Variants in PPARG observed in about 807,000 individuals in gnomAD.
The protein encoded by PPARG is peroxisome proliferator-activated receptor gamma.
In PPARG, 17 loss-of-function variants were observed where a neutral mutation model predicts 39.2. The observed-to-expected ratio is 0.43, with a 90% CI of 0.30 to 0.65. The LOEUF is 0.65. Ranked by LOEUF, PPARG falls within the 30% of genes least tolerant of loss-of-function variation. The pLI, the probability that PPARG is intolerant of heterozygous loss-of-function variation, is 0.13. For synonymous variants in PPARG, 223 were observed against 215.7 expected (o/e 1.03, Z -0.30); for missense variants, 406 against 585.9 (o/e 0.69, Z 3.17).
intron 1 of PPARG, among the ~76,000 whole-genome samples, chr3:12,309,563 A>G (rs905148366): frequency 3.3e-5 from 5 of 152,226 alleles, no homozygotes; most frequent in African/African-American, 7.2e-5. Flanking sequence ...TTATGTCACT[A>G]TATTTTTTCC....
intron 2 of PPARG, among the ~76,000 whole-genome samples, chr3:12,316,673 G>T (rs1395745681): frequency 2.0e-5 from 3 of 150,900 alleles, no homozygotes; most frequent in Non-Finnish European, 2.9e-5. Flanking sequence ...CAGGGTGTCT[G>T]GCTCTAAGGG....
intron 7 of PPARG, among the ~76,000 whole-genome samples, chr3:12,421,798 T>A (rs2051271662): frequency 6.6e-6 from 1 of 152,150 alleles, no homozygotes; most frequent in African/African-American, 2.4e-5. Flanking sequence ...CCCTCCTGAG[T>A]CTGGCTTGGT....
At chr3:12,372,140 C>G (rs1246402488) in intron 2 of PPARG, 6 of 718,832 alleles carry the variant, frequency 8.3e-6, no homozygotes, top group Non-Finnish European at 1.6e-5. Context: ...TAGCTGAACA[C>G]ATTTCTCCAA....
At chr3:12,341,561 A>C (rs2048184279) in intron 2 of PPARG, among the ~76,000 whole-genome samples, 1 of 152,222 alleles carries the variant, frequency 6.6e-6, no homozygotes, top group Non-Finnish European at 1.5e-5. Context: ...TAATCCCAGA[A>C]CTTTGGGAGG....
chr3:12,356,957 C>A (rs1352032804), intron 2 of PPARG, among the ~76,000 whole-genome samples: 1 of 152,178 alleles, frequency 6.6e-6, no homozygotes, highest in Non-Finnish European at 1.5e-5. Flanking sequence ...GAAGCATTCT[C>A]TGAATTCATT....
intron 2 of PPARG, among the ~76,000 whole-genome samples, chr3:12,356,903 C>T (rs1648661675): frequency 6.6e-6 from 1 of 152,114 alleles, no homozygotes; most frequent in South Asian, 2.1e-4. Flanking sequence ...CTTTTCAAAT[C>T]GTCCCTGTCC....
At chr3:12,292,164 C>T (rs141060339) in intron 1 of PPARG, among the ~76,000 whole-genome samples, 8 of 152,254 alleles carry the variant, frequency 5.3e-5, no homozygotes, top group Non-Finnish European at 1.0e-4. Flanking sequence ...TATTATCATT[C>T]AATTTAAAAT....
rs749089217 is a variant in PPARG at position 12,379,742 on chromosome 3, A to G, written c.31A>G (p.Thr11Ala). Residue 11 changes from threonine (T) to alanine (A), a missense_variant, in exon 3 of 8, where the codon ACC becomes GCC. Coordinates refer to ENST00000651735, the MANE Select transcript of PPARG (RefSeq NM_138711.6). MVDTEMPFWP[T>A]NFGISSVDLS... ...TGACACAGAGATGCCATTCTGGCCC[A>G]CCAACTTTGGGATCAGCTCCGTGGA... is the stretch of plus-strand genomic sequence containing the variant. The G allele has an allele frequency of 1.2e-6, 2 of 1,613,976 alleles. No homozygotes were observed. Among genetic ancestry groups the G allele is most frequent in the Non-Finnish European group, 1.7e-6 (2 of 1,179,922 alleles).
chr3:12,400,643 C>T (rs1458637974), intron 5 of PPARG, among the ~76,000 whole-genome samples: 1 of 152,192 alleles, frequency 6.6e-6, no homozygotes, highest in Non-Finnish European at 1.5e-5. Context: ...GGAAGTTGCT[C>T]TGTGTGACAG....
chr3:12,389,855 C>G lies in PPARG; in HGVS notation c.391-2759C>G, dbSNP rs191072355. Among the ~76,000 whole-genome samples the G allele has an allele frequency of 2.4e-3, 369 of 152,250 alleles. 2 individuals carry two copies. The highest frequency in any genetic ancestry group is 8.5e-3 in the African/African-American group (355 of 41,556). ...AAGGTTGCAGTGAGCCGAGATAGCA[C>G]CACTGCACTCCAGCCTGAGCAAGAG... On this transcript the variant is annotated intron_variant, in intron 4 of 7. Transcript: ENST00000651735.
At chr3:12,329,388 T>A (rs2047787732) in intron 2 of PPARG, among the ~76,000 whole-genome samples, 1 of 152,218 alleles carries the variant, frequency 6.6e-6, no homozygotes, top group African/African-American at 2.4e-5. Flanking sequence ...AGCTGTAGAA[T>A]TAAGGTTTGT....
chr3:12,321,222 G>T lies in PPARG; in HGVS notation c.-9+8769G>T, dbSNP rs367951041. 3.9e-5 allele frequency among the ~76,000 whole-genome samples: 6 copies of T among 152,310 alleles called. No homozygotes were observed. The East Asian group carries it at 1.2e-3, about 29-fold the overall frequency. On this transcript the variant is annotated intron_variant, in intron 2 of 7. Transcript: ENST00000651735. ...TAAGTTCATGGCCTTCTGAAGATCA[G>T]CTGGGCTGGGATGAGTGGTGGCTGG...
chr3:12,360,716 C>A (rs981449713), intron 2 of PPARG, among the ~76,000 whole-genome samples: 1 of 151,936 alleles, frequency 6.6e-6, no homozygotes, highest in African/African-American at 2.4e-5. Flanking sequence ...TGTCTGGATT[C>A]TTTTGCTTAG....
chr3:12,426,865 T>C lies in PPARG; in HGVS notation c.1181-7033T>C, dbSNP rs376564249. 1.6e-3 allele frequency among the ~76,000 whole-genome samples: 246 copies of C among 152,294 alleles called. 5 individuals carry two copies. In the South Asian group the frequency reaches 0.044, roughly 27 times the overall value. The stretch of plus-strand genomic sequence containing the variant: ...AAAGGTTAAGGAACTTGCCCAAGGT[T>C]ACCTAGCTTGCAAAGTTGTAATTCC... On this transcript the variant is annotated intron_variant, in intron 7 of 7. Transcript: ENST00000651735.
chr3:12,319,808 G>A (rs1269714498), intron 2 of PPARG, among the ~76,000 whole-genome samples: 1 of 151,732 alleles, frequency 6.6e-6, no homozygotes, highest in Non-Finnish European at 1.5e-5. Context: ...CTGTTCTTTG[G>A]CCATCGTTTA....
intron 1 of PPARG, among the ~76,000 whole-genome samples, chr3:12,302,042 T>A (rs2046940113): frequency 6.6e-6 from 1 of 152,122 alleles, no homozygotes; most frequent in Admixed American, 6.6e-5. Flanking sequence ...AACAGGTAAC[T>A]AACAATTCAC....
chr3:12,332,952 GC>G (rs2047904356), intron 2 of PPARG, among the ~76,000 whole-genome samples: 1 of 152,144 alleles, frequency 6.6e-6, no homozygotes, highest in Non-Finnish European at 1.5e-5. Context: ...GATCGCTTGA[GC>G]CCGGGAGGTC....
intron 2 of PPARG, among the ~76,000 whole-genome samples, chr3:12,366,126 T>A (rs1391967965): frequency 9.2e-5 from 14 of 152,126 alleles, no homozygotes; most frequent in Non-Finnish European, 2.1e-4. Flanking sequence ...TTTTATTAAA[T>A]TTATACTTAA....
intron 1 of PPARG, among the ~76,000 whole-genome samples, chr3:12,302,313 C>A (rs1559485021): frequency 6.6e-6 from 1 of 152,026 alleles, no homozygotes; most frequent in East Asian, 1.9e-4. Flanking sequence ...GTAGGTACAT[C>A]CATAGAGATA....
Sources: allele counts gnomAD v4.1 joint callset (sites outside exome capture counted in the v4.1 genomes callset), GRCh38; gene constraint gnomAD v4.1.1; transcripts MANE v1.5; gene names NCBI Gene and HGNC (gene_info 2026-07-23, HGNC 2026-07-21).